HCN1: variants seen among roughly 807,000 people sequenced by gnomAD.
HCN1 encodes the protein potassium/sodium hyperpolarization-activated cyclic nucleotide-gated channel 1.
HCN1 carries 13 observed loss-of-function variants against 78.9 expected under a neutral mutation model. That is an observed-to-expected ratio of 0.16 (90% CI 0.11 to 0.26). HCN1 has a LOEUF of 0.26. Ranked by LOEUF, HCN1 falls within the 10% of genes least tolerant of loss-of-function variation. HCN1 has a pLI of 1.00. For missense variants in HCN1, 810 were observed against 1,154.3 expected, an observed-to-expected ratio of 0.70 and a Z score of 4.32; for synonymous variants, 552 against 455.5, an observed-to-expected ratio of 1.21 and a Z score of -2.70.
intron 3 of HCN1, among the ~76,000 whole-genome samples, chr5:45,437,045 T>C (rs368122333): frequency 5.3e-5 from 8 of 152,224 alleles, no homozygotes; most frequent in East Asian, 3.8e-4. Context: ...CATGTGTATA[T>C]GGCAAATCCA....
At chr5:45,546,587 G>T in intron 2 of HCN1, among the ~76,000 whole-genome samples, 1 of 151,500 alleles carries the variant, frequency 6.6e-6, no homozygotes, top group East Asian at 1.9e-4. Flanking sequence ...CTATTACTTC[G>T]TTTCTTTATA....
At chr5:45,459,938 A>C (rs1741112538) in intron 3 of HCN1, among the ~76,000 whole-genome samples, 1 of 152,146 alleles carries the variant, frequency 6.6e-6, no homozygotes, top group Non-Finnish European at 1.5e-5. Flanking sequence ...AGATAAGTAA[A>C]GTGACAGATC....
At chr5:45,409,509 C>G (rs1325986630) in intron 3 of HCN1, among the ~76,000 whole-genome samples, 1 of 151,964 alleles carries the variant, frequency 6.6e-6, no homozygotes, top group Admixed American at 6.6e-5. Flanking sequence ...AAATCATGCT[C>G]TCACCTTTAC....
chr5:45,390,353 CA>C (rs1414244558), intron 4 of HCN1, among the ~76,000 whole-genome samples: 4 of 152,110 alleles, frequency 2.6e-5, no homozygotes, highest in Non-Finnish European at 5.9e-5. Context: ...AATACAAATA[CA>C]GTAAGAATAC....
At chr5:45,440,360 A>G (rs1740646319) in intron 3 of HCN1, among the ~76,000 whole-genome samples, 1 of 152,184 alleles carries the variant, frequency 6.6e-6, no homozygotes, top group Admixed American at 6.5e-5. Context: ...AGAATGAAAG[A>G]GTGAATAATT....
intron 3 of HCN1, among the ~76,000 whole-genome samples, chr5:45,415,822 A>G (rs1740106148): frequency 6.6e-6 from 1 of 152,072 alleles, no homozygotes; most frequent in Non-Finnish European, 1.5e-5. Flanking sequence ...CCATGTCCTA[A>G]ACATCTTTGT....
intron 2 of HCN1, chr5:45,641,602 T>C (rs1745456576): frequency 6.6e-6 from 1 of 152,174 alleles, no homozygotes; most frequent in African/African-American, 2.4e-5. Context: ...GCCATAGTTA[T>C]TATATAATGA....
rs922782834 is a variant in HCN1 at position 45,561,208 on chromosome 5, T to C, written c.849+83977A>G. On this transcript the variant is annotated intron_variant, in intron 2 of 7. Coordinates refer to ENST00000303230, the MANE Select transcript of HCN1 (RefSeq NM_021072.4). ...GCTTTTAAGCTATGGTAATTTAATA[T>C]GTTTAGTTGATACTTAATTTTATAG... Among the ~76,000 whole-genome samples the C allele has an allele frequency of 2.0e-5, 3 of 152,164 alleles. No individual in the cohort carries two copies. In the East Asian group the frequency reaches 5.8e-4, roughly 29 times the overall value.
intron 2 of HCN1, among the ~76,000 whole-genome samples, chr5:45,480,892 A>G (rs1221070818): frequency 1.3e-5 from 2 of 152,348 alleles, no homozygotes; most frequent in Admixed American, 6.5e-5. Flanking sequence ...TTCTTGTAAT[A>G]TAACTAGCAT....
intron 5 of HCN1, among the ~76,000 whole-genome samples, chr5:45,331,477 C>T (rs1746343642): frequency 6.6e-6 from 1 of 151,254 alleles, no homozygotes; most frequent in African/African-American, 2.4e-5. Flanking sequence ...AAATTTAAGT[C>T]ATCAAATATT....
intron 2 of HCN1, among the ~76,000 whole-genome samples, chr5:45,491,446 T>A (rs1022666464): frequency 2.0e-5 from 3 of 152,100 alleles, no homozygotes; most frequent in Non-Finnish European, 4.4e-5. Flanking sequence ...TTTGAGCAGG[T>A]AGGGGCCTTT....
intron 5 of HCN1, among the ~76,000 whole-genome samples, chr5:45,339,917 A>G (rs1164211309): frequency 6.6e-6 from 1 of 151,930 alleles, no homozygotes; most frequent in Admixed American, 6.6e-5. Context: ...TAATTTATGT[A>G]TGTATTTATT....
Position 45,613,247 on chromosome 5 carries a change from A to C in HCN1, c.849+31938T>G, listed in dbSNP as rs900453585. 2.0e-5 allele frequency among the ~76,000 whole-genome samples: 3 copies of C among 148,108 alleles called. No homozygotes were observed. In the East Asian group the frequency reaches 6.1e-4, roughly 30 times the overall value. Reference sequence around the variant, plus strand: ...TCAATTCCCACCTATGAGTGAGAATATGCGGTGTTTGGTATTTTGTTCTTG... The same window carrying C: ...TCAATTCCCACCTATGAGTGAGAATCTGCGGTGTTTGGTATTTTGTTCTTG... On this transcript the variant is annotated intron_variant, in intron 2 of 7. Transcript: ENST00000303230.
Position 45,521,410 on chromosome 5 carries a change from G to T in HCN1, c.850-59403C>A, listed in dbSNP as rs1042018412. On this transcript the variant is annotated intron_variant, in intron 2 of 7. Coordinates refer to ENST00000303230, the MANE Select transcript of HCN1 (RefSeq NM_021072.4). ...TGGAGGCTAGTAGTCTGAAATCAAG[G>T]TATCAGCAAGGTTGGTTTCTTGTGA... Among the ~76,000 whole-genome samples, 3 of 151,920 alleles carry T rather than the reference G, an allele frequency of 2.0e-5. No individual in the cohort carries two copies. The East Asian group carries it at 5.8e-4, about 30-fold the overall frequency.
At chr5:45,608,421 G>C (rs956244101) in intron 2 of HCN1, among the ~76,000 whole-genome samples, 1 of 135,362 alleles carries the variant, frequency 7.4e-6, no homozygotes, top group Non-Finnish European at 1.6e-5. Context: ...AACTGATGAA[G>C]AACTACTTCT....
chr5:45,313,808 G>C (rs1341386919), intron 5 of HCN1, among the ~76,000 whole-genome samples: 1 of 152,090 alleles, frequency 6.6e-6, no homozygotes, highest in Non-Finnish European at 1.5e-5. Context: ...GAGAAGAGAA[G>C]TTTAGAGAAA....
chr5:45,320,140 G>C (rs1746093927), intron 5 of HCN1, among the ~76,000 whole-genome samples: 1 of 151,724 alleles, frequency 6.6e-6, no homozygotes, highest in African/African-American at 2.4e-5. Flanking sequence ...ACTATACAGA[G>C]CATATAAGAT....
rs1193883771 is a variant in HCN1 at position 45,683,646 on chromosome 5, T to TAC, written c.425+12021_425+12022dup. ...CTAGCCAGTTAAATATATATATATA[T>TAC]ACACACACACACACATATGTTTTGT... is the stretch of plus-strand genomic sequence containing the variant. On this transcript the variant is annotated intron_variant, in intron 1 of 7. Transcript: ENST00000303230. 1.8e-3 allele frequency among the ~76,000 whole-genome samples: 269 copies of TAC among 150,602 alleles called. 2 individuals carry two copies. The highest frequency in any genetic ancestry group is 6.8e-3 in the Middle Eastern group (2 of 292).
At chr5:45,546,060 G>T (rs979227022) in intron 2 of HCN1, among the ~76,000 whole-genome samples, 2 of 151,922 alleles carry the variant, frequency 1.3e-5, no homozygotes, top group Admixed American at 1.3e-4. Context: ...ATCTACATTT[G>T]TAACTTCACC....
Sources: allele counts gnomAD v4.1 joint callset (sites outside exome capture counted in the v4.1 genomes callset), GRCh38; gene constraint gnomAD v4.1.1; transcripts MANE v1.5; gene names NCBI Gene and HGNC (gene_info 2026-07-23, HGNC 2026-07-21).